The following UGT1A4 variants were observed in gnomAD, a reference collection of about 807,000 sequenced individuals.
UGT1A4 encodes UDP-glucuronosyltransferase 1A4.
Under a neutral mutation model 41.1 loss-of-function variants are expected in UGT1A4, and 32 were observed. That is an observed-to-expected ratio of 0.78 (90% CI 0.59 to 1.05). The LOEUF (loss-of-function observed/expected upper bound fraction) is 1.05, where lower values mean the gene tolerates loss of function less well. Ranked by LOEUF, UGT1A4 falls within the 50% of genes least tolerant of loss-of-function variation. The pLI is 0.00. For missense variants in UGT1A4, 748 were observed against 677.4 expected, an observed-to-expected ratio of 1.10 and a Z score of -1.16; for synonymous variants, 283 against 265.1, an observed-to-expected ratio of 1.07 and a Z score of -0.66.
intron 1 of UGT1A4, chr2:233,722,120 C>G (rs2076991666): frequency 5.4e-6 from 1 of 185,150 alleles, no homozygotes; most frequent in South Asian, 1.2e-4. Context: ...CTATCATCAT[C>G]ATTAGTAGAG....
chr2:233,724,297 C>A (rs2077212322), intron 1 of UGT1A4, among the ~76,000 whole-genome samples: 2 of 146,144 alleles, frequency 1.4e-5, no homozygotes, highest in South Asian at 4.7e-4. Flanking sequence ...GCTGACCCCC[C>A]CACCTCCCTC....
intron 1 of UGT1A4, among the ~76,000 whole-genome samples, chr2:233,745,372 T>A (rs1423074391): frequency 1.3e-5 from 2 of 151,860 alleles, no homozygotes; most frequent in Non-Finnish European, 2.9e-5. Flanking sequence ...AGATCTGAGT[T>A]CTCTTCACCT....
rs905208353 is a variant in UGT1A4 at position 233,747,345 on chromosome 2, C to T, written c.868-19689C>T. On this transcript the variant is annotated intron_variant, in intron 1 of 4. Coordinates refer to ENST00000373409, the MANE Select transcript of UGT1A4 (RefSeq NM_007120.3). ...TTGATGGCAGCCACTGGCTCGCATG[C>T]GGGAGGCCGTGCGGGAGCTCCATGC... is the stretch of plus-strand genomic sequence containing the variant. 3.8e-5 allele frequency: 61 copies of T among 1,602,546 alleles called. No individual in the cohort carries two copies. In the East Asian group the frequency reaches 5.4e-4, roughly 14 times the overall value.
At chr2:233,730,798 G>T (rs772379862) in intron 1 of UGT1A4, among the ~76,000 whole-genome samples, 4 of 152,122 alleles carry the variant, frequency 2.6e-5, no homozygotes, top group Non-Finnish European at 5.9e-5. Flanking sequence ...AGTGATGAAT[G>T]GACATGCGTC....
intron 1 of UGT1A4, chr2:233,755,317 G>T: frequency 3.8e-6 from 2 of 525,706 alleles, no homozygotes; most frequent in Non-Finnish European, 6.2e-6. Flanking sequence ...CGAGCGGCAA[G>T]GCTGCCAGCA....
At position 233,719,009 on chromosome 2, in the gene UGT1A4, A is replaced by G. The variant is rs762473757; in HGVS notation, c.189A>G (p.Pro63=). Reference sequence around the variant, plus strand: ...GCCACCAGGCGGTGGTCCTCACCCCAGAGGTGAATATGCACATCAAAGAAG... The same window carrying G: ...GCCACCAGGCGGTGGTCCTCACCCCGGAGGTGAATATGCACATCAAAGAAG... ...ARGHQAVVLT[P]EVNMHIKEEK... The change falls in exon 1 of 5, where the codon CCA becomes CCG. Residue 63 remains proline (P), a synonymous_variant. Coordinates refer to ENST00000373409, the MANE Select transcript of UGT1A4 (RefSeq NM_007120.3). The G allele has an allele frequency of 2.7e-5, 43 of 1,614,078 alleles. No homozygotes were observed. The highest frequency in any genetic ancestry group is 2.3e-4 in the Admixed American group (14 of 60,016).
At chr2:233,731,192 A>C (rs1451773849) in intron 1 of UGT1A4, among the ~76,000 whole-genome samples, 1 of 152,106 alleles carries the variant, frequency 6.6e-6, no homozygotes. Context: ...GTAATTATTC[A>C]ATTATAAAAT....
At position 233,772,285 on chromosome 2, in the gene UGT1A4, T is replaced by C. The variant is rs758411577; in HGVS notation, c.1331T>C (p.Leu444Pro). The change falls in exon 5 of 5, where the codon CTC becomes CCC. Residue 444 changes from leucine to proline, a missense_variant. Leu to Pro is a moderately conservative substitution (Grantham distance 98). Coordinates refer to ENST00000373409, the MANE Select transcript of UGT1A4 (RefSeq NM_007120.3). ...DKSYKENIMRLSSLHKDRPVE... is the reference protein window; with the variant it reads ...DKSYKENIMRPSSLHKDRPVE... ...AGTTACAAGGAGAACATCATGCGCC[T>C]CTCCAGCCTTCACAAGGACCGCCCG... 3.1e-6 allele frequency: 5 copies of C among 1,614,220 alleles called. No individual in the cohort carries two copies. The highest frequency in any genetic ancestry group is 3.4e-6 in the Non-Finnish European group (4 of 1,180,040).
In UGT1A4 at chr2:233,736,220, T is replaced by C. The variant is rs542508391; in HGVS notation, c.867+16533T>C. On this transcript the variant is annotated intron_variant, in intron 1 of 4. Coordinates refer to ENST00000373409, the MANE Select transcript of UGT1A4 (RefSeq NM_007120.3). ...GGCTTTCCTTGTTTCTTTTTACTCT[T>C]TTTTCTCTAACCTTGTCTTCTCACT... is the stretch of plus-strand genomic sequence containing the variant. Among the ~76,000 whole-genome samples the C allele has an allele frequency of 2.6e-5, 4 of 152,348 alleles. No homozygotes were observed. The East Asian group carries it at 7.7e-4, about 29-fold the overall frequency.
intron 1 of UGT1A4, chr2:233,729,991 C>T (rs770784414): frequency 6.2e-6 from 10 of 1,613,902 alleles, no homozygotes; most frequent in Admixed American, 1.7e-5. Flanking sequence ...GCCACTATCT[C>T]AGGTCTGTAT....
intron 1 of UGT1A4, chr2:233,743,868 C>T (rs1183331531): frequency 8.0e-6 from 11 of 1,367,072 alleles, no homozygotes; most frequent in East Asian, 4.5e-5. Context: ...TTGATGGCCT[C>T]GGATGAGGCC....
At position 233,769,700 on chromosome 2, in the gene UGT1A4, T is replaced by A; in HGVS notation, c.1307+1261T>A. The A allele has an allele frequency of 3.3e-6, 5 of 1,527,942 alleles. No homozygotes were observed. The highest frequency in any genetic ancestry group is 4.4e-6 in the Non-Finnish European group (5 of 1,136,410). 94.6% of individuals were successfully genotyped at this position (1,527,942 alleles called of 1,614,324 possible). On this transcript the variant is annotated intron_variant, in intron 4 of 4. Transcript: ENST00000373409. This position sits in a 1 kb window ranked among gnomAD's most constrained non-coding sequence, Gnocchi z 4.4. Reference sequence around the variant, plus strand: ...GTGTGTGGTGGCACTGGATAAAAGATCAATGTTGGCTAGGCACCATGGCAC... The same window carrying A: ...GTGTGTGGTGGCACTGGATAAAAGAACAATGTTGGCTAGGCACCATGGCAC...
intron 1 of UGT1A4, chr2:233,742,938 A>G: frequency 4.7e-6 from 1 of 214,112 alleles, no homozygotes; most frequent in Admixed American, 5.3e-5. Context: ...ATTCTGTCCT[A>G]CCACTAGCAA....
At chr2:233,733,488 A>G (rs1340566594) in intron 1 of UGT1A4, among the ~76,000 whole-genome samples, 1 of 152,156 alleles carries the variant, frequency 6.6e-6, no homozygotes, top group African/African-American at 2.4e-5. Context: ...TTCCATCAAT[A>G]CCTAGTTTAT....
At chr2:233,751,255 T>G (rs977070137) in intron 1 of UGT1A4, among the ~76,000 whole-genome samples, 1 of 151,972 alleles carries the variant, frequency 6.6e-6, no homozygotes, top group Non-Finnish European at 1.5e-5. Context: ...GCATGGGGCC[T>G]GTAGCCCCCT....
At chr2:233,767,827 C>G in intron 2 of UGT1A4, 22 bp from the exon 3 acceptor site, 2 of 1,614,176 alleles carry the variant, frequency 1.2e-6, no homozygotes, top group Non-Finnish European at 1.7e-6. Flanking sequence ...TCTTTACGTT[C>G]TGCTCTTTTT....
intron 1 of UGT1A4, among the ~76,000 whole-genome samples, chr2:233,730,748 G>C (rs2078070259): frequency 6.6e-6 from 1 of 152,108 alleles, no homozygotes; most frequent in Non-Finnish European, 1.5e-5. Flanking sequence ...CTAGGGAGGA[G>C]ATAAGACTGT....
At chr2:233,724,314 G>A (rs1472414004) in intron 1 of UGT1A4, among the ~76,000 whole-genome samples, 88 of 143,820 alleles carry the variant, frequency 6.1e-4, no homozygotes, top group Middle Eastern at 3.9e-3. Context: ...CCTCCCGGAC[G>A]GGGCGGCTGG....
intron 1 of UGT1A4, among the ~76,000 whole-genome samples, chr2:233,754,050 C>A (rs1695383266): frequency 6.6e-6 from 1 of 152,230 alleles, no homozygotes; most frequent in Non-Finnish European, 1.5e-5. Flanking sequence ...GCCAGGTTTA[C>A]CTGCTTTTAT....
Sources: gnomAD v4.1 joint callset for allele counts (sites outside exome capture counted in the v4.1 genomes callset) on GRCh38, gnomAD v4.1.1 for gene constraint, Gnocchi (gnomAD v3.1) non-coding constraint, MANE v1.5 for transcripts, NCBI Gene and HGNC (gene_info 2026-07-23, HGNC 2026-07-21) for gene names.